Variants in CLMP observed in about 807,000 individuals in gnomAD.
The protein encoded by CLMP is CXADR like cell adhesion molecule, also known as CXADR-like membrane protein.
A neutral mutation model predicts 45.2 loss-of-function variants in CLMP; 27 were observed. That is an observed-to-expected ratio of 0.60 (90% CI 0.44 to 0.82). The LOEUF is 0.82. Among genes scored for constraint, CLMP ranks in the 40% least tolerant of loss-of-function variants. The probability of loss-of-function intolerance (pLI) is 0.00; values close to 1 mark genes in which losing one functional copy is unlikely to be tolerated. For synonymous variants in CLMP, 167 were observed against 171.4 expected (o/e 0.97, Z 0.20); for missense variants, 403 against 448.4 (o/e 0.90, Z 0.91).
chr11:123,165,101 G>A (rs1861539900), intron 1 of CLMP, among the ~76,000 whole-genome samples: 1 of 152,188 alleles, frequency 6.6e-6, no homozygotes, highest in South Asian at 2.1e-4. Context: ...CACCTCTTCA[G>A]ACCAGAGACA....
chr11:123,112,533 C>T (rs1860654210), intron 1 of CLMP, among the ~76,000 whole-genome samples: 2 of 151,524 alleles, frequency 1.3e-5, no homozygotes, highest in South Asian at 4.2e-4. Context: ...GATGGGGTTT[C>T]ACTATGTTGG....
intron 2 of CLMP, among the ~76,000 whole-genome samples, chr11:123,087,594 G>A (rs1027606154): frequency 1.6e-4 from 24 of 152,002 alleles, no homozygotes; most frequent in South Asian, 2.1e-4. Context: ...ATGCCGAGGC[G>A]GGTGGATCAC....
chr11:123,180,645 T>C (rs560097190), intron 1 of CLMP, among the ~76,000 whole-genome samples: 4 of 147,346 alleles, frequency 2.7e-5, no homozygotes, highest in African/African-American at 1.0e-4. Flanking sequence ...GGAGAAAATA[T>C]AACAAGGCAA....
At chr11:123,092,812 C>A (rs1865948114) in intron 2 of CLMP, among the ~76,000 whole-genome samples, 2 of 146,118 alleles carry the variant, frequency 1.4e-5, no homozygotes. Context: ...ATTGGTCAAG[C>A]TGCCCTTGAG....
chr11:123,123,352 C>T (rs530861372), intron 1 of CLMP, among the ~76,000 whole-genome samples: 6 of 150,942 alleles, frequency 4.0e-5, no homozygotes, highest in South Asian at 2.1e-4. Flanking sequence ...CTCCACCTCC[C>T]GGGTTCAAGC....
intron 1 of CLMP, among the ~76,000 whole-genome samples, chr11:123,176,483 G>A (rs1216324343): frequency 7.2e-5 from 11 of 152,202 alleles, no homozygotes; most frequent in Admixed American, 1.3e-4. Context: ...CTGGTGGCCC[G>A]CAGGCACCAC....
At chr11:123,138,398 A>G (rs1274810070) in intron 1 of CLMP, among the ~76,000 whole-genome samples, 2 of 152,094 alleles carry the variant, frequency 1.3e-5, no homozygotes, top group South Asian at 2.1e-4. Flanking sequence ...ATGTGTGTGT[A>G]CACATAGAAA....
intron 2 of CLMP, among the ~76,000 whole-genome samples, chr11:123,089,541 G>A (rs964720997): frequency 4.7e-4 from 71 of 151,460 alleles, no homozygotes; most frequent in African/African-American, 1.6e-3. Flanking sequence ...CGAGGCGGGC[G>A]GATCACAAGG....
intron 1 of CLMP, among the ~76,000 whole-genome samples, chr11:123,163,075 A>G (rs1861509390): frequency 6.6e-6 from 1 of 152,100 alleles, no homozygotes. Context: ...AGGGGAGATT[A>G]GGGCTACAGC....
At chr11:123,156,496 T>A (rs1177363516) in intron 1 of CLMP, among the ~76,000 whole-genome samples, 1 of 152,210 alleles carries the variant, frequency 6.6e-6, no homozygotes, top group Non-Finnish European at 1.5e-5. Flanking sequence ...AACTGTGAAA[T>A]AATAAATGTT....
chr11:123,186,330 G>T (rs1262903497), intron 1 of CLMP, among the ~76,000 whole-genome samples: 1 of 152,154 alleles, frequency 6.6e-6, no homozygotes, highest in Non-Finnish European at 1.5e-5. Flanking sequence ...CCAGTTATAA[G>T]CCCAGGCTGG....
intron 1 of CLMP, among the ~76,000 whole-genome samples, chr11:123,099,027 C>T (rs1434817595): frequency 6.6e-6 from 1 of 152,008 alleles, no homozygotes; most frequent in Non-Finnish European, 1.5e-5. Flanking sequence ...CAGGGTCTTG[C>T]TCTGTTATTA....
At chr11:123,076,991 CTTTTTTTTTTT>C (rs869224079) in intron 5 of CLMP, among the ~76,000 whole-genome samples, 1 of 99,672 alleles carries the variant, frequency 1.0e-5, no homozygotes, top group African/African-American at 3.9e-5. Flanking sequence ...GCTATTTATT[CTTTTTTTTTTT>C]TTTTTTTTTT....
At chr11:123,179,807 G>A (rs1861745884) in intron 1 of CLMP, among the ~76,000 whole-genome samples, 1 of 152,202 alleles carries the variant, frequency 6.6e-6, no homozygotes, top group East Asian at 1.9e-4. Flanking sequence ...TCCCAACTCT[G>A]CCACCAACTA....
intron 1 of CLMP, among the ~76,000 whole-genome samples, chr11:123,150,560 GA>G (rs1172730434): frequency 9.3e-5 from 12 of 129,310 alleles, no homozygotes; most frequent in African/African-American, 2.2e-4. Flanking sequence ...AGGAAGGAAG[GA>G]AAGGAAGGAA....
chr11:123,091,862 C>T (rs538102132), intron 2 of CLMP, among the ~76,000 whole-genome samples: 1 of 130,614 alleles, frequency 7.7e-6, no homozygotes, highest in African/African-American at 3.6e-5. Context: ...CACCTGTGCA[C>T]ACTGATGAAG....
intron 1 of CLMP, among the ~76,000 whole-genome samples, chr11:123,163,663 TA>T (rs1213668035): frequency 7.2e-5 from 11 of 152,212 alleles, no homozygotes; most frequent in Admixed American, 2.6e-4. Flanking sequence ...CACTGGCCCC[TA>T]GGGCCTGGCA....
At chr11:123,114,900 A>G (rs987224520) in intron 1 of CLMP, among the ~76,000 whole-genome samples, 1 of 152,158 alleles carries the variant, frequency 6.6e-6, no homozygotes, top group African/African-American at 2.4e-5. Context: ...TTGAGCCACT[A>G]TTCTAATCCA....
Position 123,136,095 on chromosome 11 carries a change from T to A in CLMP, c.29-38143A>T, listed in dbSNP as rs115029618. ...TGAATCTTTTTCAACTCTCTTCCAG[T>A]TAATCTGCACGTAGCCACTATGACT... On this transcript the variant is annotated intron_variant, in intron 1 of 6. Transcript: ENST00000448775. The A allele has an allele frequency of 8.5e-5, 52 of 612,882 alleles. 2 individuals carry two copies. The African/African-American group carries it at 8.7e-4, about 10-fold the overall frequency. 38.0% of individuals were successfully genotyped at this position (612,882 alleles called of 1,614,324 possible).
Sources: allele counts gnomAD v4.1 joint callset (sites outside exome capture counted in the v4.1 genomes callset), GRCh38; gene constraint gnomAD v4.1.1; transcripts MANE v1.5; gene names NCBI Gene and HGNC (gene_info 2026-07-23, HGNC 2026-07-21).